ZNF280D: variants seen among roughly 807,000 people sequenced by gnomAD.
ZNF280D encodes zinc finger protein 280D, also known as suppressor of hairy wing homolog 4.
Under a neutral mutation model 94.7 loss-of-function variants are expected in ZNF280D, and 39 were observed. The ratio of observed to expected loss-of-function variants is 0.41; its 90% CI spans 0.32 to 0.54. The LOEUF (loss-of-function observed/expected upper bound fraction) is 0.54, where lower values mean the gene tolerates loss of function less well. Ranked by LOEUF, ZNF280D falls within the 20% of genes least tolerant of loss-of-function variation. The pLI is 0.22. For missense variants in ZNF280D, 1,090 were observed against 1,149.3 expected (o/e 0.95, Z 0.75); for synonymous variants, 398 against 377.6 (o/e 1.05, Z -0.63).
chr15:56,705,485 T>C (rs1439064148), intron 3 of ZNF280D, among the ~76,000 whole-genome samples: 1 of 152,178 alleles, frequency 6.6e-6, no homozygotes, highest in Non-Finnish European at 1.5e-5. Context: ...TTTCTAATCA[T>C]ATGACTCTAG....
chr15:56,695,161 C>T (rs534831695), intron 6 of ZNF280D, among the ~76,000 whole-genome samples: 1 of 152,240 alleles, frequency 6.6e-6, no homozygotes, highest in African/African-American at 2.4e-5. Context: ...CAACCTCTGC[C>T]TCCTGGGTTC....
intron 19 of ZNF280D, chr15:56,653,623 A>C (rs1228727090): frequency 3.4e-6 from 5 of 1,457,824 alleles, no homozygotes; most frequent in Non-Finnish European, 3.6e-6. Flanking sequence ...AAAATAGCAC[A>C]ATGACAGACA....
intron 1 of ZNF280D, chr15:56,724,913 A>T (rs1200901155): frequency 4.4e-6 from 2 of 454,862 alleles, no homozygotes; most frequent in Non-Finnish European, 8.8e-6. Context: ...AGCTATTTCC[A>T]TGTTGCATTT....
intron 1 of ZNF280D, among the ~76,000 whole-genome samples, chr15:56,713,216 G>A (rs868697752): frequency 1.7e-4 from 26 of 152,166 alleles, no homozygotes; most frequent in Non-Finnish European, 3.4e-4. Flanking sequence ...AACAAGATAT[G>A]ATCAACTTAA....
intron 13 of ZNF280D, among the ~76,000 whole-genome samples, chr15:56,674,929 T>C (rs1447977822): frequency 6.6e-6 from 1 of 152,066 alleles, no homozygotes; most frequent in East Asian, 1.9e-4. Context: ...TCAACTATTC[T>C]GATTGTCTAA....
At chr15:56,677,255 T>C (rs1235128683) in intron 12 of ZNF280D, among the ~76,000 whole-genome samples, 1 of 152,248 alleles carries the variant, frequency 6.6e-6, no homozygotes. Flanking sequence ...AAAATACTTT[T>C]GCCAAAGCAT....
chr15:56,732,131 C>T (rs890976915), intron 1 of ZNF280D, among the ~76,000 whole-genome samples: 5 of 152,120 alleles, frequency 3.3e-5, no homozygotes, highest in African/African-American at 1.2e-4. Context: ...AGTTGAGCAC[C>T]GGAGAAGGAG....
intron 19 of ZNF280D, among the ~76,000 whole-genome samples, chr15:56,647,324 C>T (rs969965963): frequency 6.6e-6 from 1 of 152,114 alleles, no homozygotes; most frequent in Admixed American, 6.5e-5. Flanking sequence ...ACAAATATGA[C>T]CCCCTCAAAT....
intron 17 of ZNF280D, 49 bp downstream of exon 17, chr15:56,658,375 G>T: frequency 7.1e-7 from 1 of 1,414,290 alleles, no homozygotes; most frequent in Non-Finnish European, 9.7e-7. Flanking sequence ...AAAAATTTAA[G>T]TCATTACAAT....
chr15:56,668,127 A>C (rs1368957268), intron 14 of ZNF280D: 2 of 455,196 alleles, frequency 4.4e-6, no homozygotes, highest in Non-Finnish European at 8.8e-6. Flanking sequence ...AATAACAGAC[A>C]TACCCACATT....
At chr15:56,690,569 A>C (rs2056368936) in intron 7 of ZNF280D, among the ~76,000 whole-genome samples, 1 of 152,132 alleles carries the variant, frequency 6.6e-6, no homozygotes, top group Non-Finnish European at 1.5e-5. Context: ...ATTTTGCATA[A>C]AATTTTTATA....
At chr15:56,640,423 T>A (rs1292989720) in intron 20 of ZNF280D, among the ~76,000 whole-genome samples, 1 of 152,074 alleles carries the variant, frequency 6.6e-6, no homozygotes, top group Non-Finnish European at 1.5e-5. Flanking sequence ...GTGCCCAGCC[T>A]GTTTCTGTGT....
In ZNF280D at chr15:56,700,957, A is replaced by G; in HGVS notation, c.357T>C (p.Val119=). ...HPESRSSDSS[V]IVQPFSKPGY... is the part of the protein sequence containing the mutation. ...CAGGTTTAGAAAAAGGCTGAACAAT[A>G]ACAGAACTATCTGAAGATCTAGACT... The change falls in exon 6 of 22, where the codon GTT becomes GTC. Residue 119 remains valine (V), a synonymous_variant. Transcript: ENST00000267807. 6.2e-7 allele frequency: 1 copy of G among 1,613,944 alleles called. No homozygotes were observed. The highest frequency in any genetic ancestry group is 8.5e-7 in the Non-Finnish European group (1 of 1,179,864).
chr15:56,679,911 GTT>G (rs2055503722), intron 10 of ZNF280D, among the ~76,000 whole-genome samples: 1 of 152,122 alleles, frequency 6.6e-6, no homozygotes, highest in Non-Finnish European at 1.5e-5. Context: ...AATCCTGGTC[GTT>G]GTTAAATATT....
At chr15:56,687,630 A>T (rs1234912792) in intron 9 of ZNF280D, among the ~76,000 whole-genome samples, 2 of 152,322 alleles carry the variant, frequency 1.3e-5, no homozygotes, top group African/African-American at 4.8e-5. Flanking sequence ...ATTGCTACCT[A>T]CTTAAAAAAT....
At chr15:56,704,759 T>A (rs1359699982) in intron 3 of ZNF280D, among the ~76,000 whole-genome samples, 1 of 151,984 alleles carries the variant, frequency 6.6e-6, no homozygotes, top group African/African-American at 2.4e-5. Flanking sequence ...GACAGACAGA[T>A]TGCTTGAGGT....
intron 19 of ZNF280D, chr15:56,652,550 T>C: frequency 1.3e-6 from 1 of 782,230 alleles, no homozygotes; most frequent in Non-Finnish European, 1.6e-6. Flanking sequence ...ATATTCAATG[T>C]AACTAAAATA....
intron 9 of ZNF280D, among the ~76,000 whole-genome samples, chr15:56,687,219 A>T (rs2056086627): frequency 6.6e-6 from 1 of 152,140 alleles, no homozygotes; most frequent in African/African-American, 2.4e-5. Context: ...GTTCAGTTGT[A>T]AGAAATACAA....
intron 1 of ZNF280D, among the ~76,000 whole-genome samples, chr15:56,729,359 T>C (rs777053442): frequency 1.6e-4 from 25 of 152,196 alleles, no homozygotes; most frequent in Non-Finnish European, 3.2e-4. Flanking sequence ...TGAACTTCTG[T>C]GAATTTTCAC....
Sources: allele counts gnomAD v4.1 joint callset (sites outside exome capture counted in the v4.1 genomes callset), GRCh38; gene constraint gnomAD v4.1.1; transcripts MANE v1.5; gene names NCBI Gene and HGNC (gene_info 2026-07-23, HGNC 2026-07-21).